SMAD7: variants seen among roughly 807,000 people sequenced by gnomAD.
The protein encoded by SMAD7 is SMAD family member 7.
Under a neutral mutation model 38.7 loss-of-function variants are expected in SMAD7, and 8 were observed. That is an observed-to-expected ratio of 0.21 (90% CI 0.12 to 0.37). SMAD7 has a LOEUF of 0.37. Ranked by LOEUF, SMAD7 falls within the 10% of genes least tolerant of loss-of-function variation. The pLI, the probability that SMAD7 is intolerant of heterozygous loss-of-function variation, is 1.00. For synonymous variants in SMAD7, 327 were observed against 265.1 expected (o/e 1.23, Z -2.27); for missense variants, 477 against 577.9 (o/e 0.83, Z 1.79).
intron 3 of SMAD7, among the ~76,000 whole-genome samples, chr18:48,928,539 G>A (rs1232992086): frequency 6.6e-6 from 1 of 151,912 alleles, no homozygotes; most frequent in Non-Finnish European, 1.5e-5. Context: ...CCCAAGAGAG[G>A]ATCTCTTTTA....
chr18:48,931,245 TA>T (rs1351054118), intron 3 of SMAD7, among the ~76,000 whole-genome samples: 3 of 152,206 alleles, frequency 2.0e-5, no homozygotes, highest in Non-Finnish European at 4.4e-5. Context: ...ACGGTGGGGA[TA>T]ATAGCACAAT....
intron 3 of SMAD7, among the ~76,000 whole-genome samples, chr18:48,930,617 AGACT>A (rs929849878): frequency 2.6e-5 from 4 of 151,992 alleles, no homozygotes; most frequent in African/African-American, 7.2e-5. Flanking sequence ...GCGCAGGGAC[AGACT>A]GTCCCCTCCC....
At chr18:48,931,759 G>A (rs1349490361) in intron 3 of SMAD7, among the ~76,000 whole-genome samples, 1 of 152,244 alleles carries the variant, frequency 6.6e-6, no homozygotes, top group East Asian at 1.9e-4. Flanking sequence ...AATGGCTCCT[G>A]CAAGGCCATG....
intron 3 of SMAD7, among the ~76,000 whole-genome samples, chr18:48,926,884 T>G (rs1178321938): frequency 6.6e-6 from 1 of 152,174 alleles, no homozygotes; most frequent in Non-Finnish European, 1.5e-5. Context: ...GGGACAAGCC[T>G]AAGATAAAAG....
intron 2 of SMAD7, among the ~76,000 whole-genome samples, chr18:48,945,707 C>T (rs1026988304): frequency 6.6e-6 from 1 of 152,272 alleles, no homozygotes; most frequent in South Asian, 2.1e-4. Context: ...CTGGATCTGC[C>T]CATGGATACT....
intron 3 of SMAD7, among the ~76,000 whole-genome samples, chr18:48,925,421 T>A (rs940732811): frequency 4.3e-5 from 4 of 92,004 alleles, no homozygotes; most frequent in Non-Finnish European, 6.8e-5. Flanking sequence ...CTAAAATTCC[T>A]TTAAGGTGTT....
In SMAD7 at chr18:48,950,203, ATGGTGG is replaced by A. The variant is rs2070246436; in HGVS notation, c.216_221del (p.His73_His74del). 6.7e-7 allele frequency: 1 copy of A among 1,492,188 alleles called. No homozygotes were observed. The highest frequency in any genetic ancestry group is 8.9e-7 in the Non-Finnish European group (1 of 1,126,408). The allele number at this position is 1,492,188 out of a possible 1,614,324, so 92.4% of individuals were successfully genotyped here. A position where few individuals can be genotyped will look rare whatever the true frequency, so the allele number is the denominator to read the frequency against. On this transcript the variant is annotated inframe_deletion, in exon 1 of 4. Transcript: ENST00000262158. Reference sequence around the variant, plus strand: ...CGGCGCCCGCGGCTGGCGGGTGGGGATGGTGGTGACCTTTGGCACCTCGCACCGCCT... The same window carrying A: ...CGGCGCCCGCGGCTGGCGGGTGGGGATGACCTTTGGCACCTCGCACCGCCT...
At chr18:48,935,952 G>A (rs2070059487) in intron 3 of SMAD7, among the ~76,000 whole-genome samples, 1 of 152,086 alleles carries the variant, frequency 6.6e-6, no homozygotes, top group Non-Finnish European at 1.5e-5. Context: ...TGGCACGCCT[G>A]TAATCCCAGC....
intron 2 of SMAD7, among the ~76,000 whole-genome samples, chr18:48,943,086 A>C (rs2070160355): frequency 6.6e-6 from 1 of 152,230 alleles, no homozygotes; most frequent in African/African-American, 2.4e-5. Context: ...CAAAGTATAC[A>C]AAATCCCAAG....
intron 3 of SMAD7, among the ~76,000 whole-genome samples, chr18:48,926,430 G>C (rs750907857): frequency 6.6e-6 from 1 of 152,202 alleles, no homozygotes. Flanking sequence ...GAGTGAGGAC[G>C]GGTCTCCACC....
rs765240162 is a variant in SMAD7 at position 48,921,979 on chromosome 18, G to A, written c.743-69C>T. 4.1e-5 allele frequency: 50 copies of A among 1,212,796 alleles called. No individual in the cohort carries two copies. Among genetic ancestry groups the A allele is most frequent in the Non-Finnish European group, 4.7e-5 (41 of 871,974 alleles). 75.1% of individuals were successfully genotyped at this position (1,212,796 alleles called of 1,614,324 possible). Reference sequence around the variant, plus strand: ...GGTGACTCCTAGAATGAAGACACCCGCCCCCCCACTGCACCCAGTCACCAG... The same window carrying A: ...GGTGACTCCTAGAATGAAGACACCCACCCCCCCACTGCACCCAGTCACCAG... On this transcript the variant is annotated intron_variant, in intron 3 of 3. Transcript: ENST00000262158. The surrounding 1 kb of genome is among the most constrained non-coding windows in gnomAD (Gnocchi z 6.4).
At chr18:48,945,588 T>C (rs1382665268) in intron 2 of SMAD7, among the ~76,000 whole-genome samples, 2 of 152,208 alleles carry the variant, frequency 1.3e-5, no homozygotes, top group Admixed American at 1.3e-4. Flanking sequence ...TCTTTCATCA[T>C]GCTGATTTTA....
intron 3 of SMAD7, among the ~76,000 whole-genome samples, chr18:48,924,284 A>G (rs2069899322): frequency 6.6e-6 from 1 of 152,156 alleles, no homozygotes; most frequent in African/African-American, 2.4e-5. Flanking sequence ...GCCAGGACCC[A>G]CTGAAACCTG....
At chr18:48,936,882 C>A (rs567443459) in intron 3 of SMAD7, among the ~76,000 whole-genome samples, 1 of 152,218 alleles carries the variant, frequency 6.6e-6, no homozygotes, top group African/African-American at 2.4e-5. Flanking sequence ...GAGTTCAAGA[C>A]CAGCCTGACC....
In SMAD7 at chr18:48,942,515, C is replaced by T; in HGVS notation, c.708G>A (p.Gly236=). Reference sequence around the variant, plus strand: ...CCCCAGGGGCCAGATAATTCGTTCCCCCTGTTTCAGCGGAGGAAGGCACAG... The same window carrying T: ...CCCCAGGGGCCAGATAATTCGTTCCTCCTGTTTCAGCGGAGGAAGGCACAG... The part of the protein sequence containing the change: ...PDAVPSSAET[G]GTNYLAPGGL... Residue 236 remains glycine (G), a synonymous_variant, in exon 3 of 4, where the codon GGG becomes GGA. Coordinates refer to ENST00000262158, the MANE Select transcript of SMAD7 (RefSeq NM_005904.4). 1 of 1,607,352 alleles carries T rather than the reference C, an allele frequency of 6.2e-7. No homozygotes were observed. Among genetic ancestry groups the T allele is most frequent in the South Asian group, 1.1e-5 (1 of 89,942 alleles).
chr18:48,940,522 G>A (rs1229471774), intron 3 of SMAD7, among the ~76,000 whole-genome samples: 1 of 151,942 alleles, frequency 6.6e-6, no homozygotes, highest in Non-Finnish European at 1.5e-5. Flanking sequence ...AGGAAAGGGT[G>A]GGTGGATCAT....
At chr18:48,942,762 T>C in intron 2 of SMAD7, 2 of 1,418,502 alleles carry the variant, frequency 1.4e-6, no homozygotes, top group Non-Finnish European at 1.8e-6. Context: ...CCGTCTGGGC[T>C]CCGGGCAGCC....
At position 48,950,477 on chromosome 18, in the gene SMAD7, G is replaced by T; in HGVS notation, c.-53C>A. 1 of 1,503,928 alleles carries T rather than the reference G, an allele frequency of 6.6e-7. No individual in the cohort carries two copies. Among genetic ancestry groups the T allele is most frequent in the South Asian group, 1.3e-5 (1 of 79,634 alleles). The allele number at this position is 1,503,928 out of a possible 1,614,324, so 93.2% of individuals were successfully genotyped here. A position where few individuals can be genotyped will look rare whatever the true frequency, so the allele number is the denominator to read the frequency against. On this transcript the variant is annotated 5_prime_UTR_variant, in exon 1 of 4. Coordinates refer to ENST00000262158, the MANE Select transcript of SMAD7 (RefSeq NM_005904.4). ...CGTTTGCCTGCTAAGGAGCGAACAT[G>T]ACCTCCGCACACCATGAAGAAGTCG...
At position 48,942,609 on chromosome 18, in the gene SMAD7, A is replaced by C. The variant is rs760042540; in HGVS notation, c.668-54T>G. 35 of 1,612,092 alleles carry C rather than the reference A, an allele frequency of 2.2e-5. No individual in the cohort carries two copies. The African/African-American group carries it at 4.4e-4, about 20-fold the overall frequency. ...AATAAATACACAAATAAAAACACCA[A>C]GATCCATCTTTAAGCACGCTCTAAA... On this transcript the variant is annotated intron_variant, in intron 2 of 3. Coordinates refer to ENST00000262158, the MANE Select transcript of SMAD7 (RefSeq NM_005904.4).
Sources: allele counts gnomAD v4.1 joint callset (sites outside exome capture counted in the v4.1 genomes callset), GRCh38; gene constraint gnomAD v4.1.1; non-coding constraint Gnocchi (gnomAD v3.1); transcripts MANE v1.5; gene names NCBI Gene and HGNC (gene_info 2026-07-23, HGNC 2026-07-21).